The following CPNE8 variants were observed in gnomAD, a reference collection of about 807,000 sequenced individuals.
The protein encoded by CPNE8 is copine-8.
A neutral mutation model predicts 81.5 loss-of-function variants in CPNE8; 45 were observed. The ratio of observed to expected loss-of-function variants is 0.55; its 90% confidence interval spans 0.44 to 0.71. The LOEUF is 0.71. Among genes scored for constraint, CPNE8 ranks in the 30% least tolerant of loss-of-function variants. The pLI is 0.00. For missense variants in CPNE8, 594 were observed against 672.1 expected, an observed-to-expected ratio of 0.88 and a Z score of 1.28; for synonymous variants, 252 against 226.3, an observed-to-expected ratio of 1.11 and a Z score of -1.02.
intron 1 of CPNE8, among the ~76,000 whole-genome samples, chr12:38,891,803 T>A (rs1944317945): frequency 6.6e-6 from 1 of 152,244 alleles, no homozygotes; most frequent in South Asian, 2.1e-4. Flanking sequence ...ATATTCAAAT[T>A]CATAGATGTC....
chr12:38,701,128 C>A (rs796422038), intron 14 of CPNE8, among the ~76,000 whole-genome samples: 1 of 152,104 alleles, frequency 6.6e-6, no homozygotes, highest in South Asian at 2.1e-4. Flanking sequence ...ATAATATTAA[C>A]CTCACAAAAT....
rs960720978 is a variant in CPNE8 at position 38,679,683 on chromosome 12, C to T, written c.1272-2129G>A. 112 of 984,898 alleles carry T rather than the reference C, an allele frequency of 1.1e-4. No individual in the cohort carries two copies. The African/African-American group carries it at 1.2e-3, about 10-fold the overall frequency. 61.0% of individuals were successfully genotyped at this position (984,898 alleles called of 1,614,324 possible). A position where few individuals can be genotyped will look rare whatever the true frequency, so the allele number is the denominator to read the frequency against. ...TTGCTTCTTTGGCACTTGTTCTACA[C>T]GTTGGCACATTGTTGCACTTTGAAA... On this transcript the variant is annotated intron_variant, in intron 16 of 19. Transcript: ENST00000331366.
At chr12:38,823,957 T>C (rs1041683650) in intron 6 of CPNE8, among the ~76,000 whole-genome samples, 1 of 152,086 alleles carries the variant, frequency 6.6e-6, no homozygotes, top group Non-Finnish European at 1.5e-5. Flanking sequence ...CGATGAGTCA[T>C]AGGAAGCACA....
intron 6 of CPNE8, among the ~76,000 whole-genome samples, chr12:38,799,920 C>A (rs1367260653): frequency 6.6e-6 from 1 of 151,738 alleles, no homozygotes; most frequent in African/African-American, 2.4e-5. Context: ...AATCGGGTCA[C>A]TCCCACCCGA....
rs1202316115 is a variant in CPNE8 at position 38,714,439 on chromosome 12, G to C, written c.914+9333C>G. ...AGTAAAGACAAATAAAATAACTACAGGGATAAAAGTACAGAGTGTGATTAA... is the reference window on the plus strand; with the variant it reads ...AGTAAAGACAAATAAAATAACTACACGGATAAAAGTACAGAGTGTGATTAA... On this transcript the variant is annotated intron_variant, in intron 13 of 19. Transcript: ENST00000331366. 4.6e-5 allele frequency among the ~76,000 whole-genome samples: 7 copies of C among 151,870 alleles called. No homozygotes were observed. In the East Asian group the frequency reaches 1.4e-3, roughly 29 times the overall value.
At chr12:38,902,312 G>C (rs1944480315) in intron 1 of CPNE8, among the ~76,000 whole-genome samples, 1 of 32,888 alleles carries the variant, frequency 3.0e-5, no homozygotes. Context: ...AGGAAGGAAG[G>C]AAGGAAAGAA....
chr12:38,671,083 T>C (rs368617618), intron 18 of CPNE8: 9 of 273,544 alleles, frequency 3.3e-5, no homozygotes, highest in African/African-American at 1.8e-4. Flanking sequence ...AAACTGTCTC[T>C]GGGTCTATCA....
At chr12:38,857,991 A>G (rs1943771610) in intron 3 of CPNE8, among the ~76,000 whole-genome samples, 1 of 152,240 alleles carries the variant, frequency 6.6e-6, no homozygotes, top group Non-Finnish European at 1.5e-5. Context: ...TTTGGAAAAC[A>G]TGTAATTACA....
chr12:38,686,538 C>T (rs192702677), intron 15 of CPNE8, among the ~76,000 whole-genome samples: 1 of 152,304 alleles, frequency 6.6e-6, no homozygotes, highest in Non-Finnish European at 1.5e-5. Flanking sequence ...AAATTACCCC[C>T]AAAGTTATAC....
At chr12:38,680,056 C>A (rs1164278729) in intron 16 of CPNE8, among the ~76,000 whole-genome samples, 1 of 151,628 alleles carries the variant, frequency 6.6e-6, no homozygotes, top group Non-Finnish European at 1.5e-5. Flanking sequence ...TGAAATATAG[C>A]CTATCTATAA....
intron 19 of CPNE8, among the ~76,000 whole-genome samples, chr12:38,666,978 G>C (rs1413702139): frequency 6.6e-6 from 1 of 152,086 alleles, no homozygotes; most frequent in Non-Finnish European, 1.5e-5. Context: ...CCTAGCACAT[G>C]AAACACTTAA....
chr12:38,850,598 T>G (rs969979732), intron 3 of CPNE8, among the ~76,000 whole-genome samples: 2 of 152,206 alleles, frequency 1.3e-5, no homozygotes, highest in Non-Finnish European at 2.9e-5. Context: ...GCCCTGAAAT[T>G]GTTTTTGATG....
chr12:38,756,352 CTTT>C (rs5797594), intron 10 of CPNE8, among the ~76,000 whole-genome samples: 18 of 135,124 alleles, frequency 1.3e-4, no homozygotes, highest in Non-Finnish European at 1.1e-4. Context: ...GCATTTTCCA[CTTT>C]TTTTTTTTTT....
chr12:38,895,266 A>G (rs916776768), intron 1 of CPNE8, among the ~76,000 whole-genome samples: 2 of 152,018 alleles, frequency 1.3e-5, no homozygotes, highest in Non-Finnish European at 2.9e-5. Context: ...GAAACTCTGG[A>G]ATTAAGTATT....
chr12:38,819,994 G>GA (rs1036413085), intron 6 of CPNE8, among the ~76,000 whole-genome samples: 4 of 151,464 alleles, frequency 2.6e-5, no homozygotes, highest in African/African-American at 9.7e-5. Context: ...TACACAAGAG[G>GA]AAAAAAAAGA....
chr12:38,783,980 T>C (rs1286561179), intron 6 of CPNE8, among the ~76,000 whole-genome samples: 1 of 152,096 alleles, frequency 6.6e-6, no homozygotes, highest in African/African-American at 2.4e-5. Flanking sequence ...TCTACAAGTA[T>C]CAAGACCATT....
At chr12:38,806,084 C>T (rs1371325043) in intron 6 of CPNE8, among the ~76,000 whole-genome samples, 2 of 150,340 alleles carry the variant, frequency 1.3e-5, no homozygotes. Context: ...AGACCAATAA[C>T]AGGCTCTGAA....
At chr12:38,799,484 T>C (rs561517884) in intron 6 of CPNE8, among the ~76,000 whole-genome samples, 1 of 152,212 alleles carries the variant, frequency 6.6e-6, no homozygotes, top group East Asian at 1.9e-4. Flanking sequence ...AAAAAAGATA[T>C]TCTTTTAAAC....
chr12:38,847,466 T>A (rs551129264), intron 4 of CPNE8, among the ~76,000 whole-genome samples: 1 of 152,308 alleles, frequency 6.6e-6, no homozygotes, highest in Admixed American at 6.5e-5. Flanking sequence ...AAAATAAACA[T>A]AATCAGGAAG....
Sources: gnomAD v4.1 joint callset for allele counts (sites outside exome capture counted in the v4.1 genomes callset) on GRCh38, gnomAD v4.1.1 for gene constraint, MANE v1.5 for transcripts, NCBI Gene and HGNC (gene_info 2026-07-23, HGNC 2026-07-21) for gene names.